RANBP17: variants seen among roughly 807,000 people sequenced by gnomAD.
The protein encoded by RANBP17 is ran-binding protein 17.
In RANBP17, 158 loss-of-function variants were observed where a neutral mutation model predicts 141.2. The ratio of observed to expected loss-of-function variants is 1.12; its 90% confidence interval spans 0.98 to 1.28. The LOEUF (loss-of-function observed/expected upper bound fraction) is 1.28. Among genes scored for constraint, RANBP17 ranks in the 50% most tolerant of loss-of-function variants. The probability of loss-of-function intolerance (pLI) is 0.00; values close to 1 mark genes in which losing one functional copy is unlikely to be tolerated. For missense variants in RANBP17, 1,438 were observed against 1,290.7 expected (o/e 1.11, Z -1.75); for synonymous variants, 430 against 450.0 (o/e 0.96, Z 0.56).
At chr5:171,276,179 T>C (rs1767473904) in intron 25 of RANBP17, among the ~76,000 whole-genome samples, 1 of 152,246 alleles carries the variant, frequency 6.6e-6, no homozygotes, top group Non-Finnish European at 1.5e-5. Flanking sequence ...GACTTGTAGA[T>C]TAATCTGCTT....
At chr5:170,894,601 C>G (rs1042987850) in intron 4 of RANBP17, among the ~76,000 whole-genome samples, 1 of 151,030 alleles carries the variant, frequency 6.6e-6, no homozygotes, top group African/African-American at 2.4e-5. Context: ...TGAGTATTAG[C>G]AGCTTTTGTG....
At chr5:171,145,611 G>A (rs1757983230) in intron 14 of RANBP17, among the ~76,000 whole-genome samples, 1 of 152,072 alleles carries the variant, frequency 6.6e-6, no homozygotes, top group Non-Finnish European at 1.5e-5. Flanking sequence ...ATTTTTATCA[G>A]CGCAATAGAG....
intron 25 of RANBP17, among the ~76,000 whole-genome samples, chr5:171,269,523 A>G (rs1469837012): frequency 2.0e-5 from 3 of 152,202 alleles, no homozygotes; most frequent in South Asian, 4.1e-4. Context: ...GTTGGGGGTT[A>G]TTATTAGCAG....
chr5:170,884,640 T>G (rs1189009740), intron 3 of RANBP17, among the ~76,000 whole-genome samples: 5 of 151,982 alleles, frequency 3.3e-5, no homozygotes, highest in African/African-American at 9.7e-5. Flanking sequence ...AGGTATAACC[T>G]TATGGAAATA....
intron 14 of RANBP17, among the ~76,000 whole-genome samples, chr5:171,060,290 T>A (rs1783718645): frequency 7.3e-6 from 1 of 137,278 alleles, no homozygotes; most frequent in African/African-American, 2.6e-5. Context: ...AGTATGATAT[T>A]GGCTGTGGGT....
chr5:171,053,545 A>G lies in RANBP17; in HGVS notation c.1710+85168A>G, dbSNP rs139981588. ...GTTGATTGCTAGTATATAGGAACTT[A>G]ACAGAATTTTTGTTTGTTGATCATG... On this transcript the variant is annotated intron_variant, in intron 14 of 27. Coordinates refer to ENST00000523189, the MANE Select transcript of RANBP17 (RefSeq NM_022897.5). Among the ~76,000 whole-genome samples, 494 of 152,258 alleles carry G rather than the reference A, an allele frequency of 3.2e-3. 2 individuals carry two copies. The highest frequency in any genetic ancestry group is 0.011 in the African/African-American group (463 of 41,554).
chr5:170,984,396 C>T (rs1364705301), intron 14 of RANBP17, among the ~76,000 whole-genome samples: 3 of 152,020 alleles, frequency 2.0e-5, no homozygotes, highest in South Asian at 4.1e-4. Context: ...GGAGATAAGG[C>T]GGGAGGATCA....
intron 14 of RANBP17, among the ~76,000 whole-genome samples, chr5:171,145,242 T>C (rs562425406): frequency 1.3e-5 from 2 of 152,250 alleles, no homozygotes; most frequent in East Asian, 3.9e-4. Context: ...CCCCAAACAG[T>C]TGGTCTTTGG....
chr5:170,938,544 A>G (rs1774069769), intron 12 of RANBP17, among the ~76,000 whole-genome samples: 1 of 152,250 alleles, frequency 6.6e-6, no homozygotes, highest in South Asian at 2.1e-4. Context: ...ATATAAAGCA[A>G]TTATGTGCGA....
intron 14 of RANBP17, among the ~76,000 whole-genome samples, chr5:171,011,059 G>T (rs2127590667): frequency 6.6e-6 from 1 of 152,126 alleles, no homozygotes; most frequent in African/African-American, 2.4e-5. Flanking sequence ...TCTTTTATGA[G>T]TCTAATCTAA....
intron 24 of RANBP17, chr5:171,252,983 A>G (rs1320612150): frequency 7.4e-7 from 1 of 1,354,744 alleles, no homozygotes. Context: ...CAGTCTCGGG[A>G]TTGAGGGGGA....
intron 24 of RANBP17, among the ~76,000 whole-genome samples, chr5:171,263,679 A>G (rs1043151793): frequency 6.6e-6 from 1 of 152,190 alleles, no homozygotes. Context: ...TCTGAAACCA[A>G]AAGTTCTACT....
chr5:171,137,261 T>C (rs1215571721), intron 14 of RANBP17, among the ~76,000 whole-genome samples: 1 of 152,204 alleles, frequency 6.6e-6, no homozygotes, highest in East Asian at 1.9e-4. Flanking sequence ...TTGAAAGTTT[T>C]GTAACTCCAG....
Position 171,221,798 on chromosome 5 carries a change from A to G in RANBP17, c.2380A>G (p.Ile794Val). ...LNFDVSSPNG[I>V]LLFREASKMV... ...TTTTGATGTATCATCTCCTAATGGA[A>G]TTCTTCTCTTCAGAGAAGCTAGTAA... is the stretch of plus-strand genomic sequence containing the variant. Residue 794 changes from isoleucine to valine, a missense_variant, in exon 22 of 28, where the codon ATT (isoleucine) becomes GTT (valine). Coordinates refer to ENST00000523189, the MANE Select transcript of RANBP17 (RefSeq NM_022897.5). The G allele has an allele frequency of 6.2e-7, 1 of 1,611,634 alleles. No homozygotes were observed. The highest frequency in any genetic ancestry group is 8.5e-7 in the Non-Finnish European group (1 of 1,178,180).
At chr5:171,231,369 CAAAG>C (rs1332990114) in intron 22 of RANBP17, among the ~76,000 whole-genome samples, 2 of 152,134 alleles carry the variant, frequency 1.3e-5, no homozygotes, top group African/African-American at 2.4e-5. Flanking sequence ...TATTATCACA[CAAAG>C]AAAAGTATAC....
At chr5:170,891,834 C>G (rs1769639486) in intron 3 of RANBP17, among the ~76,000 whole-genome samples, 1 of 152,218 alleles carries the variant, frequency 6.6e-6, no homozygotes, top group South Asian at 2.1e-4. Context: ...CAAATCCAAA[C>G]CATATCAGCC....
At chr5:171,167,333 A>T (rs1421566091) in intron 14 of RANBP17, among the ~76,000 whole-genome samples, 1 of 152,186 alleles carries the variant, frequency 6.6e-6, no homozygotes, top group East Asian at 1.9e-4. Context: ...TTAAAACAAA[A>T]ATTATGTCTG....
At chr5:170,949,551 G>C (rs1775038702) in intron 12 of RANBP17, among the ~76,000 whole-genome samples, 1 of 152,082 alleles carries the variant, frequency 6.6e-6, no homozygotes, top group Non-Finnish European at 1.5e-5. Flanking sequence ...AACTAGGATG[G>C]ATATAATAAA....
intron 14 of RANBP17, among the ~76,000 whole-genome samples, chr5:171,027,281 A>C (rs1161466325): frequency 6.6e-6 from 1 of 152,202 alleles, no homozygotes; most frequent in Non-Finnish European, 1.5e-5. Context: ...AGATTGTTAA[A>C]GATTCAGCTA....
Sources: gnomAD v4.1 joint callset for allele counts (sites outside exome capture counted in the v4.1 genomes callset) on GRCh38, gnomAD v4.1.1 for gene constraint, MANE v1.5 for transcripts, NCBI Gene and HGNC (gene_info 2026-07-23, HGNC 2026-07-21) for gene names.